RYR2: variants seen among roughly 807,000 people sequenced by gnomAD.
RYR2 encodes the protein cardiac muscle ryanodine receptor-calcium release channel.
In RYR2, 227 loss-of-function variants were observed where a neutral mutation model predicts 601.1. That is an observed-to-expected ratio of 0.38 (90% CI 0.34 to 0.42). The LOEUF (loss-of-function observed/expected upper bound fraction) is 0.42, where lower values mean the gene tolerates loss of function less well. Ranked by LOEUF, RYR2 falls within the 10% of genes least tolerant of loss-of-function variation. The pLI is 1.00. For missense variants in RYR2, 4,646 were observed against 6,156.5 expected, an observed-to-expected ratio of 0.75 and a Z score of 8.21; for synonymous variants, 2,223 against 2,175.1, an observed-to-expected ratio of 1.02 and a Z score of -0.61.
chr1:237,276,857 C>T (rs1208018036), intron 2 of RYR2, among the ~76,000 whole-genome samples: 1 of 152,092 alleles, frequency 6.6e-6, no homozygotes, highest in East Asian at 1.9e-4. Context: ...CGGATACTCC[C>T]TACTTAACTA....
At chr1:237,458,746 A>C (rs913491995) in intron 16 of RYR2, among the ~76,000 whole-genome samples, 2 of 152,192 alleles carry the variant, frequency 1.3e-5, no homozygotes, top group East Asian at 3.8e-4. Context: ...AAGTTAAAAA[A>C]AAAAAGAAAA....
intron 42 of RYR2, 72 bp downstream of exon 42, chr1:237,631,613 A>AGTTT (rs1680262638): frequency 5.2e-6 from 1 of 191,274 alleles, no homozygotes; most frequent in Non-Finnish European, 8.6e-6. Context: ...TAGAATGCAG[A>AGTTT]TTTTTTTTTT....
intron 1 of RYR2, among the ~76,000 whole-genome samples, chr1:237,156,579 A>G (rs1675355631): frequency 6.6e-6 from 1 of 152,228 alleles, no homozygotes; most frequent in African/African-American, 2.4e-5. Context: ...TTGCCTGCTT[A>G]ATCATGCTCT....
At chr1:237,216,760 A>C (rs576722566) in intron 1 of RYR2, among the ~76,000 whole-genome samples, 164 of 151,738 alleles carry the variant, frequency 1.1e-3, no homozygotes, top group African/African-American at 3.8e-3. Context: ...ACCAAAAAAA[A>C]AAAAACAAAA....
intron 84 of RYR2, among the ~76,000 whole-genome samples, chr1:237,766,937 C>T (rs568934859): frequency 6.6e-6 from 1 of 152,290 alleles, no homozygotes; most frequent in Admixed American, 6.5e-5. Flanking sequence ...ATTTATAGAA[C>T]AAACAACTGT....
At chr1:237,526,639 G>A (rs940360824) in intron 24 of RYR2, among the ~76,000 whole-genome samples, 2 of 152,148 alleles carry the variant, frequency 1.3e-5, no homozygotes, top group Admixed American at 1.3e-4. Flanking sequence ...GAACCACCAT[G>A]CCTGACCCTT....
chr1:237,478,848 A>C (rs1212463837), intron 17 of RYR2, among the ~76,000 whole-genome samples: 1 of 152,154 alleles, frequency 6.6e-6, no homozygotes, highest in Non-Finnish European at 1.5e-5. Context: ...CCTTCATAAT[A>C]GATAATGTCT....
chr1:237,568,431 G>A (rs900925352), intron 28 of RYR2, among the ~76,000 whole-genome samples: 6 of 152,158 alleles, frequency 3.9e-5, no homozygotes, highest in African/African-American at 1.4e-4. Context: ...TATACTTGTA[G>A]ATGCAAAAGT....
rs1300545050 is a variant in RYR2 at position 237,595,624 on chromosome 1, T to G, written c.4563T>G (p.Ile1521Met). Reference sequence around the variant, plus strand: ...CTGCCAGCGGGCTGCTCACATTCATTGCCAATGGCAAGGAACTGAGCACAT... The same window carrying G: ...CTGCCAGCGGGCTGCTCACATTCATGGCCAATGGCAAGGAACTGAGCACAT... Reference protein sequence around the residue: ...VDAASGLLTFIANGKELSTYY... With the variant: ...VDAASGLLTFMANGKELSTYY... Residue 1521 changes from isoleucine (I) to methionine (M), a missense_variant, in exon 34 of 105, where the codon ATT becomes ATG. Coordinates refer to ENST00000366574, the MANE Select transcript of RYR2 (RefSeq NM_001035.3). 1 of 1,613,444 alleles carries G rather than the reference T, an allele frequency of 6.2e-7. No homozygotes were observed. Among genetic ancestry groups the G allele is most frequent in the Non-Finnish European group, 8.5e-7 (1 of 1,179,682 alleles).
At chr1:237,075,347 C>T (rs1200227845) in intron 1 of RYR2, among the ~76,000 whole-genome samples, 1 of 150,776 alleles carries the variant, frequency 6.6e-6, no homozygotes, top group African/African-American at 2.4e-5. Flanking sequence ...GTGATTTCTG[C>T]ATTTCCATCT....
intron 2 of RYR2, among the ~76,000 whole-genome samples, chr1:237,280,858 C>G (rs1690784404): frequency 6.6e-6 from 1 of 151,214 alleles, no homozygotes; most frequent in Non-Finnish European, 1.5e-5. Flanking sequence ...AATCTCGGCT[C>G]ACTGCAACCT....
At chr1:237,575,428 A>T (rs1364859901) in intron 29 of RYR2, among the ~76,000 whole-genome samples, 2 of 152,080 alleles carry the variant, frequency 1.3e-5, no homozygotes, top group African/African-American at 4.8e-5. Flanking sequence ...TTTTATATGG[A>T]GCATCCCTTT....
intron 12 of RYR2, among the ~76,000 whole-genome samples, chr1:237,424,571 A>G (rs1287446610): frequency 6.6e-6 from 1 of 152,234 alleles, no homozygotes; most frequent in Non-Finnish European, 1.5e-5. Flanking sequence ...TTGGCTTAGT[A>G]GAACTACAAT....
intron 53 of RYR2, among the ~76,000 whole-genome samples, chr1:237,657,580 C>T (rs1246890965): frequency 6.6e-6 from 1 of 151,696 alleles, no homozygotes; most frequent in Non-Finnish European, 1.5e-5. Context: ...TTTAACACAT[C>T]ACTACTAAAT....
intron 27 of RYR2, among the ~76,000 whole-genome samples, chr1:237,551,793 T>C (rs575220343): frequency 1.3e-5 from 2 of 152,304 alleles, no homozygotes; most frequent in South Asian, 4.1e-4. Context: ...ATATATTCAC[T>C]GTGTAAGTGT....
At chr1:237,094,494 A>T (rs1034049955) in intron 1 of RYR2, among the ~76,000 whole-genome samples, 2 of 151,930 alleles carry the variant, frequency 1.3e-5, no homozygotes, top group Non-Finnish European at 2.9e-5. Context: ...CTTAATAAAT[A>T]TTGATGGACA....
At position 237,640,992 on chromosome 1, in the gene RYR2, C is replaced by T; in HGVS notation, c.7211C>T (p.Pro2404Leu). The change falls in exon 47 of 105, where the codon CCT (proline) becomes CTT (leucine). Residue 2404 changes from proline (P) to leucine (L), a missense_variant. Transcript: ENST00000366574. ...ATTGACCTCTTGGGACGCTGTGCTCCTGAGATGCATGTGAGTTTCTGGGAG... is the reference window on the plus strand; with the variant it reads ...ATTGACCTCTTGGGACGCTGTGCTCTTGAGATGCATGTGAGTTTCTGGGAG... Reference protein sequence around the residue: ...ALIDLLGRCAPEMHLIHAGKG... With the variant: ...ALIDLLGRCALEMHLIHAGKG... The T allele has an allele frequency of 6.2e-7, 1 of 1,610,418 alleles. No individual in the cohort carries two copies. The highest frequency in any genetic ancestry group is 8.5e-7 in the Non-Finnish European group (1 of 1,177,986).
At chr1:237,262,135 G>A (rs547437160) in intron 1 of RYR2, among the ~76,000 whole-genome samples, 1 of 151,018 alleles carries the variant, frequency 6.6e-6, no homozygotes, top group East Asian at 2.0e-4. Flanking sequence ...AGCAGACTTG[G>A]CAACAGTGAT....
intron 58 of RYR2, among the ~76,000 whole-genome samples, chr1:237,672,603 G>A (rs572004500): frequency 6.6e-6 from 1 of 152,218 alleles, no homozygotes; most frequent in African/African-American, 2.4e-5. Flanking sequence ...TTTGTGTTGG[G>A]AGCATTCAAA....
Sources: allele counts gnomAD v4.1 joint callset (sites outside exome capture counted in the v4.1 genomes callset), GRCh38; gene constraint gnomAD v4.1.1; transcripts MANE v1.5; gene names NCBI Gene and HGNC (gene_info 2026-07-23, HGNC 2026-07-21).